Variants in CADPS observed in about 807,000 individuals in gnomAD.
The protein encoded by CADPS is calcium-dependent secretion activator 1.
A neutral mutation model predicts 167.3 loss-of-function variants in CADPS; 57 were observed. The ratio of observed to expected loss-of-function variants is 0.34; its 90% CI spans 0.28 to 0.42. The LOEUF (loss-of-function observed/expected upper bound fraction) is 0.42. CADPS is among the 20% of genes least tolerant of loss of function. The pLI, the probability that CADPS is intolerant of heterozygous loss-of-function variation, is 1.00. For missense variants in CADPS, 1,414 were observed against 1,738.1 expected (o/e 0.81, Z 3.32); for synonymous variants, 676 against 635.3 (o/e 1.06, Z -0.96).
At chr3:62,824,518 A>C (rs921489406) in intron 1 of CADPS, among the ~76,000 whole-genome samples, 1 of 152,206 alleles carries the variant, frequency 6.6e-6, no homozygotes, top group Admixed American at 6.5e-5. Flanking sequence ...ATGCAGTGTC[A>C]AGAAATTTAG....
intron 28 of CADPS, chr3:62,404,775 ATTTTTTTTTTT>A (rs35095820): frequency 1.0e-5 from 1 of 99,726 alleles, no homozygotes; most frequent in Non-Finnish European, 2.0e-5. Flanking sequence ...TAGGAAGTAG[ATTTTTTTTTTT>A]TTTTTTTTTT....
rs188730033 is a variant in CADPS, at chr3:62,828,180, T to G, written c.441+46409A>C. The stretch of plus-strand genomic sequence containing the variant: ...ATTGTGCCCTCTGGGAGTTAAACCC[T>G]CCATTCCCCATGGAGATCTACTGAC... On this transcript the variant is annotated intron_variant, in intron 1 of 29. Transcript: ENST00000383710. Among the ~76,000 whole-genome samples, 1,196 of 152,228 alleles carry G rather than the reference T, an allele frequency of 7.9e-3. 57 individuals are homozygous for G. The highest frequency in any genetic ancestry group is 0.07 in the Admixed American group (1,064 of 15,284).
chr3:62,722,365 T>G (rs1342120280), intron 3 of CADPS, among the ~76,000 whole-genome samples: 1 of 152,202 alleles, frequency 6.6e-6, no homozygotes, highest in Non-Finnish European at 1.5e-5. Flanking sequence ...AGAACCTTTA[T>G]GGAGGACAGT....
intron 3 of CADPS, among the ~76,000 whole-genome samples, chr3:62,691,790 G>A (rs2079168568): frequency 6.6e-6 from 1 of 151,966 alleles, no homozygotes; most frequent in African/African-American, 2.4e-5. Context: ...TATGGTCAGG[G>A]GAGGAAGAGT....
At chr3:62,861,506 G>A (rs2080798057) in intron 1 of CADPS, among the ~76,000 whole-genome samples, 1 of 152,092 alleles carries the variant, frequency 6.6e-6, no homozygotes, top group East Asian at 1.9e-4. Context: ...TAAGATTTTT[G>A]TACAAATCTC....
intron 9 of CADPS, among the ~76,000 whole-genome samples, chr3:62,569,453 T>C (rs1386178204): frequency 1.3e-5 from 2 of 152,224 alleles, no homozygotes; most frequent in African/African-American, 2.4e-5. Flanking sequence ...TCTTTGCGGC[T>C]AAATCACTTT....
chr3:62,669,181 T>C (rs1212240363), intron 3 of CADPS, among the ~76,000 whole-genome samples: 2 of 152,178 alleles, frequency 1.3e-5, no homozygotes, highest in South Asian at 2.1e-4. Context: ...TACTTCCCAG[T>C]GTGCCCCCTG....
chr3:62,841,816 C>T (rs941933733), intron 1 of CADPS, among the ~76,000 whole-genome samples: 4 of 152,198 alleles, frequency 2.6e-5, no homozygotes, highest in Admixed American at 6.5e-5. Flanking sequence ...TGTCTGCCAA[C>T]TACAATTCTG....
At chr3:62,515,111 G>A (rs1006153265) in intron 16 of CADPS, among the ~76,000 whole-genome samples, 1 of 152,100 alleles carries the variant, frequency 6.6e-6, no homozygotes, top group Admixed American at 6.6e-5. Flanking sequence ...GGCAGAGTAA[G>A]TGATGGGGTC....
chr3:62,474,163 T>TTTTTTTTTTTTTTTTC lies in CADPS; in HGVS notation c.3477+9_3477+10insGAAAAAAAAAAAAAAA, dbSNP rs755374403. On this transcript the variant is annotated intron_variant, in intron 24 of 29. Coordinates refer to ENST00000383710, the MANE Select transcript of CADPS (RefSeq NM_003716.4). ...GAAAAAAAAATCTGTATTTTTTTTT[T>TTTTTTTTTTTTTTTTC]TTTTTTTACCTCTTGGCCCATTTCC... 6 of 1,402,026 alleles carry TTTTTTTTTTTTTTTTC rather than the reference T, an allele frequency of 4.3e-6. No homozygotes were observed. The African/African-American group carries it at 9.3e-5, about 22-fold the overall frequency. 86.8% of individuals were successfully genotyped at this position (1,402,026 alleles called of 1,614,324 possible). A position where few individuals can be genotyped will look rare whatever the true frequency, so the allele number is the denominator to read the frequency against.
At chr3:62,401,732 A>ATT (rs35897409) in intron 29 of CADPS, among the ~76,000 whole-genome samples, 10,647 of 145,422 alleles carry the variant, frequency 0.073, 1,267 homozygotes, top group African/African-American at 0.25. Flanking sequence ...CTCATACCAC[A>ATT]TTTTTTTTTT....
Position 62,570,942 on chromosome 3 carries a change from A to AG in CADPS, c.1578-5dup, listed in dbSNP as rs753588655. 29 of 1,581,428 alleles carry AG rather than the reference A, an allele frequency of 1.8e-5. No homozygotes were observed. The highest frequency in any genetic ancestry group is 2.3e-5 in the Non-Finnish European group (26 of 1,150,114). On this transcript the variant is annotated splice_region_variant and splice_polypyrimidine_tract_variant and intron_variant, in intron 8 of 29. Coordinates refer to ENST00000383710, the MANE Select transcript of CADPS (RefSeq NM_003716.4). ...CTTACCGATGGCCCATAAATACCTA[A>AG]GGGAAAGGAGAAAGACCAGAGCTGC...
At chr3:62,564,710 G>A (rs933930561) in intron 9 of CADPS, among the ~76,000 whole-genome samples, 32 of 151,076 alleles carry the variant, frequency 2.1e-4, no homozygotes, top group Non-Finnish European at 3.8e-4. Flanking sequence ...AGGTTTAAGC[G>A]ATTCTCCTGT....
intron 8 of CADPS, among the ~76,000 whole-genome samples, chr3:62,576,656 T>C (rs1317581372): frequency 2.7e-5 from 4 of 148,612 alleles, no homozygotes; most frequent in African/African-American, 9.9e-5. Context: ...CTGGGCATGG[T>C]GGTATGCATC....
At chr3:62,678,881 G>C (rs953989104) in intron 3 of CADPS, among the ~76,000 whole-genome samples, 2 of 151,924 alleles carry the variant, frequency 1.3e-5, no homozygotes, top group East Asian at 3.9e-4. Context: ...ACTATCCCCA[G>C]TCATCATTCC....
intron 13 of CADPS, among the ~76,000 whole-genome samples, chr3:62,524,473 A>C (rs533246412): frequency 6.6e-6 from 1 of 152,316 alleles, no homozygotes; most frequent in South Asian, 2.1e-4. Context: ...AAAGAATAAG[A>C]TAGGAAGCAA....
chr3:62,852,640 T>A (rs751432981), intron 1 of CADPS, among the ~76,000 whole-genome samples: 3 of 152,062 alleles, frequency 2.0e-5, no homozygotes, highest in Non-Finnish European at 2.9e-5. Context: ...GTCCCCAGTT[T>A]ACTCTGAATT....
chr3:62,802,078 CAA>C (rs767247082), intron 1 of CADPS, among the ~76,000 whole-genome samples: 12 of 152,076 alleles, frequency 7.9e-5, no homozygotes, highest in Non-Finnish European at 1.3e-4. Flanking sequence ...ACCTACACAG[CAA>C]AAGTCTGTTC....
intron 1 of CADPS, among the ~76,000 whole-genome samples, chr3:62,774,729 C>T (rs373654520): frequency 5.3e-5 from 8 of 152,278 alleles, no homozygotes; most frequent in African/African-American, 1.9e-4. Context: ...GTTAGATCCT[C>T]ATTTCTTTTT....
Sources: allele counts gnomAD v4.1 joint callset (sites outside exome capture counted in the v4.1 genomes callset), GRCh38; gene constraint gnomAD v4.1.1; transcripts MANE v1.5; gene names NCBI Gene and HGNC (gene_info 2026-07-23, HGNC 2026-07-21).